B4GALNT3: variants seen among roughly 807,000 people sequenced by gnomAD.
The protein encoded by B4GALNT3 is beta-1,4-N-acetylgalactosaminyltransferase 3.
A neutral mutation model predicts 120.2 loss-of-function variants in B4GALNT3; 86 were observed. That is an observed-to-expected ratio of 0.72 (90% CI 0.60 to 0.86). The LOEUF (loss-of-function observed/expected upper bound fraction) is 0.86. Ranked by LOEUF, B4GALNT3 falls within the 40% of genes least tolerant of loss-of-function variation. B4GALNT3 has a pLI of 0.00. For synonymous variants in B4GALNT3, 518 were observed against 510.4 expected (o/e 1.01, Z -0.20); for missense variants, 1,167 against 1,298.9 (o/e 0.90, Z 1.56).
Position 563,024 on chromosome 12 carries a change from T to TG in B4GALNT3, c.*1579dup. ...AGAATGGAGCCCGTGGAGAACCTTC[T>TG]GGGGGGTCGGGGAGAATCCCTGCCT... On this transcript the variant is annotated 3_prime_UTR_variant, in exon 20 of 20. Coordinates refer to ENST00000266383, the MANE Select transcript of B4GALNT3 (RefSeq NM_173593.4). The TG allele has an allele frequency of 6.6e-6, 1 of 152,390 alleles. No homozygotes were observed. The highest frequency in any genetic ancestry group is 1.5e-5 in the Non-Finnish European group (1 of 68,098). The allele number at this position is 152,390 out of a possible 1,614,324, so 9.4% of individuals were successfully genotyped here.
intron 1 of B4GALNT3, among the ~76,000 whole-genome samples, chr12:533,947 T>G (rs1946833084): frequency 6.6e-6 from 1 of 152,248 alleles, no homozygotes; most frequent in South Asian, 2.1e-4. Flanking sequence ...GTTCTGTGTC[T>G]GCGTGGCTGT....
At chr12:531,399 A>T (rs1477879785) in intron 1 of B4GALNT3, among the ~76,000 whole-genome samples, 4 of 152,200 alleles carry the variant, frequency 2.6e-5, no homozygotes, top group African/African-American at 9.7e-5. Context: ...CTGTAATCCC[A>T]GCACTTTGGG....
chr12:557,798 A>G (rs763189573), intron 16 of B4GALNT3, 37 bp downstream of exon 16: 8 of 1,579,148 alleles, frequency 5.1e-6, no homozygotes, highest in Non-Finnish European at 6.9e-6. Flanking sequence ...GGCATGGGCC[A>G]CGTCCATCCT....
rs1371969280 is a variant in B4GALNT3 at position 497,478 on chromosome 12, T to C, written c.169+36933T>C. Among the ~76,000 whole-genome samples the C allele has an allele frequency of 5.3e-5, 8 of 152,342 alleles. No individual in the cohort carries two copies. In the East Asian group the frequency reaches 1.5e-3, roughly 29 times the overall value. ...TTTTTAAGGCTGAATCATATTCCAT[T>C]GTATGGATATGCCACGTTTTGTTCA... On this transcript the variant is annotated intron_variant, in intron 1 of 19. Coordinates refer to ENST00000266383, the MANE Select transcript of B4GALNT3 (RefSeq NM_173593.4).
chr12:510,502 G>GGAGTTTGCTGGGCTGGGA (rs556557465), intron 1 of B4GALNT3, among the ~76,000 whole-genome samples: 1 of 147,362 alleles, frequency 6.8e-6, no homozygotes. Flanking sequence ...GGAGGGAAAC[G>GGAGTTTGCTGGGCTGGGA]GGCCCTTTCA....
At chr12:554,634 C>CA (rs1479699358) in intron 14 of B4GALNT3, among the ~76,000 whole-genome samples, 4 of 150,802 alleles carry the variant, frequency 2.7e-5, no homozygotes, top group Admixed American at 2.6e-4. Flanking sequence ...ACTAAAAATA[C>CA]AAAAAATTAG....
intron 14 of B4GALNT3, among the ~76,000 whole-genome samples, chr12:554,694 G>T (rs1188489914): frequency 8.7e-4 from 122 of 140,270 alleles, no homozygotes; most frequent in African/African-American, 2.8e-3. Context: ...GGAGGCTGAG[G>T]CAGGAGAATG....
At position 479,777 on chromosome 12, in the gene B4GALNT3, C is replaced by T. The variant is rs919343084; in HGVS notation, c.169+19232C>T. On this transcript the variant is annotated intron_variant, in intron 1 of 19. Transcript: ENST00000266383. ...GGCTGGAGGGGAACACCGTGTCCAA[C>T]TGAGGCCTTTAGTGGTCGGGTGATT... Among the ~76,000 whole-genome samples, 7 of 151,612 alleles carry T rather than the reference C, an allele frequency of 4.6e-5. No homozygotes were observed. The East Asian group carries it at 5.8e-4, about 13-fold the overall frequency.
chr12:521,317 A>C (rs1946706930), intron 1 of B4GALNT3, among the ~76,000 whole-genome samples: 1 of 152,166 alleles, frequency 6.6e-6, no homozygotes, highest in Non-Finnish European at 1.5e-5. Context: ...ATCCTAAGTC[A>C]CTTAGACTGT....
At chr12:523,312 G>A (rs1435516765) in intron 1 of B4GALNT3, among the ~76,000 whole-genome samples, 3 of 152,146 alleles carry the variant, frequency 2.0e-5, no homozygotes, top group Non-Finnish European at 2.9e-5. Flanking sequence ...CACTCCACAT[G>A]CATCAAATGC....
intron 1 of B4GALNT3, among the ~76,000 whole-genome samples, chr12:470,418 CT>C (rs1946124752): frequency 6.6e-6 from 1 of 152,390 alleles, no homozygotes; most frequent in South Asian, 2.1e-4. Flanking sequence ...TCACGCACAC[CT>C]CCCTCACCAG....
chr12:524,075 A>G (rs1410895863), intron 1 of B4GALNT3, among the ~76,000 whole-genome samples: 5 of 152,198 alleles, frequency 3.3e-5, no homozygotes, highest in Admixed American at 1.3e-4. Flanking sequence ...ACAAAAACAA[A>G]AAAACACACA....
intron 1 of B4GALNT3, among the ~76,000 whole-genome samples, chr12:483,697 C>T (rs1291472283): frequency 6.6e-6 from 1 of 152,208 alleles, no homozygotes; most frequent in Admixed American, 6.5e-5. Flanking sequence ...GACCCTGTCC[C>T]CCACAATAAA....
At chr12:537,838 G>A (rs1946877333) in intron 3 of B4GALNT3, among the ~76,000 whole-genome samples, 1 of 152,148 alleles carries the variant, frequency 6.6e-6, no homozygotes, top group Admixed American at 6.5e-5. Context: ...TCTTCAGCCT[G>A]GGTGGTTTTA....
intron 16 of B4GALNT3, 36 bp downstream of exon 16, chr12:557,797 C>T: frequency 1.9e-6 from 3 of 1,578,532 alleles, no homozygotes; most frequent in South Asian, 1.2e-5. Flanking sequence ...TGGCATGGGC[C>T]ACGTCCATCC....
chr12:489,845 G>A (rs545927242), intron 1 of B4GALNT3, among the ~76,000 whole-genome samples: 5 of 152,202 alleles, frequency 3.3e-5, no homozygotes, highest in Non-Finnish European at 7.3e-5. Context: ...CATTTACCAA[G>A]ATTGACCATA....
At chr12:553,076 T>G (rs1947102992) in intron 13 of B4GALNT3, 118 bp from the exon 14 acceptor site, 1 of 1,440,130 alleles carries the variant, frequency 6.9e-7, no homozygotes, top group Non-Finnish European at 9.4e-7. Flanking sequence ...GAACCTGGAT[T>G]CAACCCCAGT....
At chr12:498,572 G>A (rs1028960592) in intron 1 of B4GALNT3, among the ~76,000 whole-genome samples, 1 of 152,158 alleles carries the variant, frequency 6.6e-6, no homozygotes, top group Non-Finnish European at 1.5e-5. Flanking sequence ...GGATCCCTGT[G>A]TGTATAAGAT....
intron 1 of B4GALNT3, among the ~76,000 whole-genome samples, chr12:476,191 AT>A (rs60419780): frequency 0.019 from 2,894 of 152,342 alleles, 80 homozygotes; most frequent in South Asian, 0.096. Context: ...AAATGGGACT[AT>A]TAATGGTACC....
Sources: allele counts gnomAD v4.1 joint callset (sites outside exome capture counted in the v4.1 genomes callset), GRCh38; gene constraint gnomAD v4.1.1; transcripts MANE v1.5; gene names NCBI Gene and HGNC (gene_info 2026-07-23, HGNC 2026-07-21).